SLC24A3: variants seen among roughly 807,000 people sequenced by gnomAD.
The protein encoded by SLC24A3 is sodium/potassium/calcium exchanger 3.
In SLC24A3, 28 loss-of-function variants were observed where a neutral mutation model predicts 75.8. The observed-to-expected ratio is 0.37, with a 90% CI of 0.27 to 0.51. SLC24A3 has a LOEUF of 0.51. Among genes scored for constraint, SLC24A3 ranks in the 20% least tolerant of loss-of-function variants. The probability of loss-of-function intolerance (pLI) is 0.94; values close to 1 mark genes in which losing one functional copy is unlikely to be tolerated. For synonymous variants in SLC24A3, 372 were observed against 334.1 expected (o/e 1.11, Z -1.24); for missense variants, 663 against 847.8 (o/e 0.78, Z 2.71).
chr20:19,599,657 G>A (rs1250676093), intron 6 of SLC24A3, among the ~76,000 whole-genome samples: 1 of 152,170 alleles, frequency 6.6e-6, no homozygotes, highest in Non-Finnish European at 1.5e-5. Context: ...GTTTATGCAT[G>A]CCCTCATTAT....
chr20:19,452,991 G>A (rs769306197), intron 2 of SLC24A3, among the ~76,000 whole-genome samples: 70 of 152,190 alleles, frequency 4.6e-4, no homozygotes, highest in Non-Finnish European at 8.4e-4. Flanking sequence ...AGACCAGCGT[G>A]GCCAAGATGG....
intron 6 of SLC24A3, among the ~76,000 whole-genome samples, chr20:19,593,169 G>A (rs2031403430): frequency 6.6e-6 from 1 of 152,164 alleles, no homozygotes; most frequent in Admixed American, 6.5e-5. Context: ...CAAGATGAGA[G>A]TCCATTTTTG....
rs757046469 is a variant in SLC24A3 at position 19,684,135 on chromosome 20, G to A, written c.902-41G>A. 3 of 1,596,262 alleles carry A rather than the reference G, an allele frequency of 1.9e-6. No homozygotes were observed. The Admixed American group carries it at 5.0e-5, about 27-fold the overall frequency. ...AAATGAATGCCTCTTTCCTGCTCCT[G>A]GCCTCCATGTTATTTTACCTTATGT... On this transcript the variant is annotated intron_variant, in intron 10 of 16. Coordinates refer to ENST00000328041, the MANE Select transcript of SLC24A3 (RefSeq NM_020689.4).
chr20:19,292,289 C>T (rs1048788259), intron 2 of SLC24A3, among the ~76,000 whole-genome samples: 8 of 152,222 alleles, frequency 5.3e-5, no homozygotes, highest in Admixed American at 3.9e-4. Flanking sequence ...GGAGTCTCAG[C>T]TTGTCACACT....
intron 12 of SLC24A3, among the ~76,000 whole-genome samples, chr20:19,686,301 C>T (rs1020995699): frequency 6.6e-6 from 1 of 152,214 alleles, no homozygotes; most frequent in African/African-American, 2.4e-5. Context: ...AAGAAGCTTT[C>T]AGGACCTCAG....
intron 15 of SLC24A3, among the ~76,000 whole-genome samples, chr20:19,711,379 C>T (rs942635320): frequency 1.3e-5 from 2 of 149,934 alleles, no homozygotes; most frequent in Non-Finnish European, 3.0e-5. Context: ...TGCAAGCAAA[C>T]GCACACATAT....
At chr20:19,316,833 T>A (rs1793863193) in intron 2 of SLC24A3, among the ~76,000 whole-genome samples, 2 of 152,214 alleles carry the variant, frequency 1.3e-5, no homozygotes, top group Admixed American at 6.5e-5. Flanking sequence ...TTTTTAAAAA[T>A]TTCCTACTTT....
chr20:19,239,483 T>C (rs1982271759), intron 1 of SLC24A3, among the ~76,000 whole-genome samples: 1 of 152,192 alleles, frequency 6.6e-6, no homozygotes, highest in African/African-American at 2.4e-5. Flanking sequence ...AGGGGCCAGC[T>C]GAACACAAGA....
intron 2 of SLC24A3, among the ~76,000 whole-genome samples, chr20:19,330,153 T>C (rs2122291328): frequency 6.6e-6 from 1 of 152,312 alleles, no homozygotes; most frequent in Admixed American, 6.5e-5. Flanking sequence ...ACCATCTTAG[T>C]TGCTTGCAGG....
At chr20:19,338,379 A>T (rs1985186957) in intron 2 of SLC24A3, among the ~76,000 whole-genome samples, 1 of 152,060 alleles carries the variant, frequency 6.6e-6, no homozygotes, top group South Asian at 2.1e-4. Flanking sequence ...ACATTCTCAC[A>T]AGTTCCACAG....
intron 3 of SLC24A3, among the ~76,000 whole-genome samples, chr20:19,546,529 C>T (rs1170971195): frequency 6.6e-6 from 1 of 152,236 alleles, no homozygotes; most frequent in Non-Finnish European, 1.5e-5. Context: ...TCATGTCTGT[C>T]CCACTCTTCA....
chr20:19,299,932 G>A (rs1240957172), intron 2 of SLC24A3, among the ~76,000 whole-genome samples: 2 of 152,156 alleles, frequency 1.3e-5, no homozygotes, highest in Non-Finnish European at 2.9e-5. Flanking sequence ...GGAACGCTGT[G>A]GCCCTGGCAT....
intron 3 of SLC24A3, among the ~76,000 whole-genome samples, chr20:19,553,209 AC>A (rs2030729728): frequency 6.6e-6 from 1 of 151,566 alleles, no homozygotes; most frequent in Non-Finnish European, 1.5e-5. Flanking sequence ...CCGTGTGCAC[AC>A]CTCTGTGTGC....
intron 2 of SLC24A3, among the ~76,000 whole-genome samples, chr20:19,328,961 A>T (rs1984932534): frequency 6.6e-6 from 1 of 152,126 alleles, no homozygotes; most frequent in Non-Finnish European, 1.5e-5. Context: ...CGGGAGGAGG[A>T]TCAGGAGAGG....
chr20:19,562,990 T>C (rs2122612750), intron 3 of SLC24A3, among the ~76,000 whole-genome samples: 2 of 152,258 alleles, frequency 1.3e-5, no homozygotes, highest in South Asian at 4.1e-4. Context: ...GATTGTAGGG[T>C]GACCCCCTGA....
At chr20:19,237,840 G>A (rs1042580362) in intron 1 of SLC24A3, among the ~76,000 whole-genome samples, 5 of 151,864 alleles carry the variant, frequency 3.3e-5, no homozygotes, top group South Asian at 2.1e-4. Context: ...CCTCCACCTC[G>A]CCTTCTGATT....
At chr20:19,490,305 G>A in intron 2 of SLC24A3, among the ~76,000 whole-genome samples, 1 of 152,202 alleles carries the variant, frequency 6.6e-6, no homozygotes, top group East Asian at 1.9e-4. Flanking sequence ...TCCCAAAACA[G>A]AAACTCTCTC....
At chr20:19,539,828 C>A (rs1230961915) in intron 3 of SLC24A3, among the ~76,000 whole-genome samples, 1 of 152,078 alleles carries the variant, frequency 6.6e-6, no homozygotes, top group East Asian at 1.9e-4. Context: ...TGTGATTGGA[C>A]AAAAAGGGTG....
At chr20:19,417,517 A>G (rs1359807996) in intron 2 of SLC24A3, among the ~76,000 whole-genome samples, 1 of 152,206 alleles carries the variant, frequency 6.6e-6, no homozygotes, top group Non-Finnish European at 1.5e-5. Context: ...CAGGATGGGA[A>G]AGATGAGACA....
Sources: allele counts gnomAD v4.1 joint callset (sites outside exome capture counted in the v4.1 genomes callset), GRCh38; gene constraint gnomAD v4.1.1; transcripts MANE v1.5; gene names NCBI Gene and HGNC (gene_info 2026-07-23, HGNC 2026-07-21).